Variants in NFIA observed in about 807,000 individuals in gnomAD.
The protein encoded by NFIA is nuclear factor 1 A-type.
In NFIA, 8 loss-of-function variants were observed where a neutral mutation model predicts 62.8. The observed-to-expected ratio is 0.13, with a 90% CI of 0.07 to 0.23. NFIA has a LOEUF of 0.23. Among genes scored for constraint, NFIA ranks in the 10% least tolerant of loss-of-function variants. The probability of loss-of-function intolerance (pLI) is 1.00; values close to 1 mark genes in which losing one functional copy is unlikely to be tolerated. For synonymous variants in NFIA, 235 were observed against 238.1 expected (o/e 0.99, Z 0.12); for missense variants, 410 against 642.1 (o/e 0.64, Z 3.91).
intron 6 of NFIA, among the ~76,000 whole-genome samples, chr1:61,368,020 G>A (rs1016455041): frequency 3.5e-4 from 53 of 152,332 alleles, no homozygotes; most frequent in African/African-American, 1.1e-3. Context: ...TACGTTTGTC[G>A]AACGAATGAG....
At chr1:61,437,129 G>T (rs1455755068) in intron 10 of NFIA, among the ~76,000 whole-genome samples, 1 of 152,210 alleles carries the variant, frequency 6.6e-6, no homozygotes, top group African/African-American at 2.4e-5. Flanking sequence ...AGCACCCTTT[G>T]CTGCCCTCCA....
chr1:61,385,755 C>T (rs1398928429), intron 7 of NFIA: 2 of 152,140 alleles, frequency 1.3e-5, no homozygotes, highest in African/African-American at 4.8e-5. Flanking sequence ...CTCCTTAGCT[C>T]ACAGCATAAC....
At chr1:61,291,041 A>G (rs1034178663) in intron 3 of NFIA, among the ~76,000 whole-genome samples, 1 of 152,184 alleles carries the variant, frequency 6.6e-6, no homozygotes, top group African/African-American at 2.4e-5. Context: ...ATGAGAGGAA[A>G]TGATTACAAG....
Position 61,176,826 on chromosome 1 carries a change from T to C in NFIA, c.559+88146T>C, listed in dbSNP as rs775529392. 4.3e-4 allele frequency among the ~76,000 whole-genome samples: 65 copies of C among 152,240 alleles called. 1 individual carries two copies. Among genetic ancestry groups the C allele is most frequent in the Non-Finnish European group, 6.5e-4 (44 of 68,006 alleles). The stretch of plus-strand genomic sequence containing the variant: ...TCATTTATTCAAGAGATACTTGGGC[T>C]GGGCGCGGTGGCTCATACCTGTAAT... On this transcript the variant is annotated intron_variant, in intron 2 of 10. Transcript: ENST00000403491.
chr1:61,283,184 G>A (rs767410631), intron 3 of NFIA, among the ~76,000 whole-genome samples: 1 of 152,098 alleles, frequency 6.6e-6, no homozygotes, highest in South Asian at 2.1e-4. Flanking sequence ...CTTTTCATCC[G>A]TAATTGTTGC....
chr1:61,096,289 C>T (rs537888979), intron 2 of NFIA, among the ~76,000 whole-genome samples: 1 of 152,126 alleles, frequency 6.6e-6, no homozygotes, highest in Admixed American at 6.5e-5. Flanking sequence ...TCTCGGCTCA[C>T]CGCAATCTCT....
intron 8 of NFIA, 58 bp downstream of exon 8, chr1:61,404,340 C>G: frequency 6.8e-7 from 1 of 1,477,280 alleles, no homozygotes; most frequent in Non-Finnish European, 9.1e-7. Context: ...ATAAAAATAA[C>G]AAGGGGAGAC....
At chr1:61,400,734 T>C (rs561887786) in intron 7 of NFIA, among the ~76,000 whole-genome samples, 5 of 152,328 alleles carry the variant, frequency 3.3e-5, no homozygotes, top group African/African-American at 1.2e-4. Flanking sequence ...CATGCCAAAT[T>C]CATAATGGTA....
chr1:61,267,993 A>G (rs1317114489), intron 2 of NFIA, among the ~76,000 whole-genome samples: 1 of 152,198 alleles, frequency 6.6e-6, no homozygotes, highest in Middle Eastern at 3.2e-3. Context: ...TCAGAGGAGA[A>G]TGATCCAGTA....
At chr1:61,308,971 C>T (rs538112895) in intron 3 of NFIA, among the ~76,000 whole-genome samples, 1 of 152,270 alleles carries the variant, frequency 6.6e-6, no homozygotes, top group Non-Finnish European at 1.5e-5. Flanking sequence ...CGTAAGAAAT[C>T]CATGCCATCA....
intron 2 of NFIA, among the ~76,000 whole-genome samples, chr1:61,188,380 C>A (rs1007891964): frequency 6.6e-6 from 1 of 152,126 alleles, no homozygotes; most frequent in Non-Finnish European, 1.5e-5. Flanking sequence ...TCTATTGTGT[C>A]ATGGGCTGCA....
intron 6 of NFIA, among the ~76,000 whole-genome samples, chr1:61,382,773 G>A (rs142179979): frequency 6.2e-4 from 94 of 152,110 alleles, no homozygotes; most frequent in African/African-American, 2.2e-3. Flanking sequence ...AGTTGCCATT[G>A]TTGAGGGTAT....
chr1:61,335,346 T>C (rs1426141324), intron 4 of NFIA, among the ~76,000 whole-genome samples: 1 of 151,956 alleles, frequency 6.6e-6, no homozygotes, highest in African/African-American at 2.4e-5. Flanking sequence ...GATCCCCAGC[T>C]CAGGTTTCGT....
At chr1:61,301,208 G>A (rs961514981) in intron 3 of NFIA, among the ~76,000 whole-genome samples, 1 of 152,102 alleles carries the variant, frequency 6.6e-6, no homozygotes, top group Non-Finnish European at 1.5e-5. Context: ...ATAGACTAAA[G>A]GATTTGGTAA....
intron 10 of NFIA, among the ~76,000 whole-genome samples, chr1:61,435,296 G>A (rs1437798187): frequency 6.6e-6 from 1 of 152,132 alleles, no homozygotes; most frequent in African/African-American, 2.4e-5. Context: ...TGAAATGAAG[G>A]CAATAATAGT....
chr1:61,261,234 C>A (rs1656754936), intron 2 of NFIA, among the ~76,000 whole-genome samples: 1 of 152,170 alleles, frequency 6.6e-6, no homozygotes, highest in Non-Finnish European at 1.5e-5. Flanking sequence ...AAGCCAAATA[C>A]CTTCAAGCTT....
chr1:61,183,506 G>C (rs989934975), intron 2 of NFIA, among the ~76,000 whole-genome samples: 1 of 152,188 alleles, frequency 6.6e-6, no homozygotes, highest in African/African-American at 2.4e-5. Context: ...ATCACTAAAA[G>C]GGTGGGAACA....
chr1:61,082,907 C>T (rs866576954), intron 1 of NFIA, 89 bp downstream of exon 1: 1 of 1,210,138 alleles, frequency 8.3e-7, no homozygotes, highest in Non-Finnish European at 1.1e-6. Context: ...GGCCGTCGCT[C>T]CGGCCGGGCC....
At position 61,315,861 on chromosome 1, in the gene NFIA, T is replaced by A. The variant is rs555448930; in HGVS notation, c.626-16651T>A. Among the ~76,000 whole-genome samples the A allele has an allele frequency of 5.3e-5, 8 of 152,244 alleles. No individual in the cohort carries two copies. The South Asian group carries it at 1.7e-3, about 32-fold the overall frequency. On this transcript the variant is annotated intron_variant, in intron 3 of 10. Transcript: ENST00000403491. Reference sequence around the variant, plus strand: ...CAGAGAACAGAATGCATATTTATTTTCAATTTTTACATGTTATTTCGTATT... The same window carrying A: ...CAGAGAACAGAATGCATATTTATTTACAATTTTTACATGTTATTTCGTATT...
Sources: allele counts gnomAD v4.1 joint callset (sites outside exome capture counted in the v4.1 genomes callset), GRCh38; gene constraint gnomAD v4.1.1; transcripts MANE v1.5; gene names NCBI Gene and HGNC (gene_info 2026-07-23, HGNC 2026-07-21).